DMD: variants seen among roughly 807,000 people sequenced by gnomAD.
DMD encodes the protein mutant dystrophin.
A neutral mutation model predicts 330.1 loss-of-function variants in DMD; 63 were observed. The observed-to-expected ratio is 0.19, with a 90% CI of 0.16 to 0.24. The LOEUF is 0.24. Among genes scored for constraint, DMD ranks in the 10% least tolerant of loss-of-function variants. DMD has a pLI of 1.00. For synonymous variants in DMD, 1,223 were observed against 959.8 expected (o/e 1.27, Z -5.07); for missense variants, 3,344 against 2,684.1 (o/e 1.25, Z -5.43).
chrX:31,203,634 G>A lies in DMD; in HGVS notation c.9807+327C>T, dbSNP rs770669252. 6.9e-4 allele frequency among the ~76,000 whole-genome samples: 77 copies of A among 112,313 alleles called. 1 individual carries two copies. The highest frequency in any genetic ancestry group is 1.2e-3 in the Non-Finnish European group (64 of 53,244). On this transcript the variant is annotated intron_variant, in intron 67 of 78. Coordinates refer to ENST00000357033, the MANE Select transcript of DMD (RefSeq NM_004006.3). ...AAAGGACTCAGAGACTAAGAGACTC[G>A]CCTACAAAGGCCATTTTCTTATATA...
chrX:32,889,062 GCCA>G (rs2084939845), intron 2 of DMD, among the ~76,000 whole-genome samples: 1 of 110,498 alleles, frequency 9.0e-6, no homozygotes, highest in Admixed American at 9.7e-5. Context: ...TGAAAGAACC[GCCA>G]CCACAACAGA....
At chrX:32,753,049 C>T (rs2071035263) in intron 7 of DMD, among the ~76,000 whole-genome samples, 1 of 110,974 alleles carries the variant, frequency 9.0e-6, no homozygotes, top group African/African-American at 3.3e-5. Context: ...CTTCTCCCTG[C>T]TTAGAACACC....
chrX:32,922,899 T>C (rs1414851402), intron 2 of DMD, among the ~76,000 whole-genome samples: 1 of 112,646 alleles, frequency 8.9e-6, no homozygotes, highest in African/African-American at 3.2e-5. Context: ...AGAGTCTCAA[T>C]AAAGTTACTC....
intron 7 of DMD, among the ~76,000 whole-genome samples, chrX:32,731,403 G>C (rs899621603): frequency 8.9e-6 from 1 of 112,542 alleles, no homozygotes; most frequent in South Asian, 3.6e-4. Context: ...ACTGGGTGGA[G>C]CCCACCACAA....
In DMD at chrX:33,250,085, T is replaced by TTTTATATATATATATATATATATA. The variant is rs1484050730; in HGVS notation, c.7+89173_7+89174insTATATATATATATATATATATAAA. ...AGCCCACATAGTAGTAAACTATTCA[T>TTTTATATATATATATATATATATA]TATATATATATATATATATATATAT... On this transcript the variant is annotated intron_variant, in intron 1 of 17. Transcript: ENST00000288447. Among the ~76,000 whole-genome samples, 40 of 75,414 alleles carry TTTTATATATATATATATATATATA rather than the reference T, an allele frequency of 5.3e-4. 1 individual carries two copies. Among genetic ancestry groups the TTTTATATATATATATATATATATA allele is most frequent in the African/African-American group, 2.8e-3 (39 of 13,885 alleles). 65.5% of individuals were successfully genotyped at this position (75,414 alleles called of 115,157 possible).
At chrX:32,480,161 G>A (rs1490663454) in intron 21 of DMD, among the ~76,000 whole-genome samples, 1 of 111,763 alleles carries the variant, frequency 8.9e-6, no homozygotes, top group Non-Finnish European at 1.9e-5. Flanking sequence ...GTGAAAAAAT[G>A]CTCAACATCT....
intron 43 of DMD, among the ~76,000 whole-genome samples, chrX:32,266,745 A>G (rs2097346201): frequency 1.8e-5 from 2 of 111,872 alleles, no homozygotes; most frequent in South Asian, 7.5e-4. Context: ...TTTATTTTTG[A>G]TTATACCTGC....
chrX:31,771,070 C>T (rs1213141710), intron 51 of DMD, among the ~76,000 whole-genome samples: 4 of 111,369 alleles, frequency 3.6e-5, no homozygotes, highest in African/African-American at 1.3e-4. Context: ...ATTTTTCACA[C>T]ATCAAACATT....
chrX:31,823,603 C>T (rs1375449856), intron 49 of DMD, among the ~76,000 whole-genome samples: 1 of 110,532 alleles, frequency 9.0e-6, no homozygotes, highest in Non-Finnish European at 1.9e-5. Context: ...TCTTTTGAGA[C>T]AGGGTCTCAC....
At chrX:33,321,025 C>T (rs950053980) in intron 1 of DMD, among the ~76,000 whole-genome samples, 13 of 111,716 alleles carry the variant, frequency 1.2e-4, no homozygotes, top group Admixed American at 1.9e-4. Context: ...TTGCTATTGT[C>T]ACCATATCTC....
At chrX:32,837,176 A>G (rs1403899431) in intron 4 of DMD, among the ~76,000 whole-genome samples, 1 of 111,954 alleles carries the variant, frequency 8.9e-6, no homozygotes, top group African/African-American at 3.2e-5. Context: ...CACAGAAACA[A>G]AACAGAACTA....
intron 59 of DMD, among the ~76,000 whole-genome samples, chrX:31,469,835 T>A (rs1490259023): frequency 8.9e-6 from 1 of 111,980 alleles, no homozygotes; most frequent in Non-Finnish European, 1.9e-5. Context: ...TCTTTTCACA[T>A]CGTCCCATAT....
intron 52 of DMD, among the ~76,000 whole-genome samples, chrX:31,690,304 C>G (rs1394862750): frequency 1.8e-5 from 2 of 111,641 alleles, no homozygotes; most frequent in Non-Finnish European, 3.8e-5. Flanking sequence ...AAAAAGTGGG[C>G]GAAGGATATG....
chrX:32,811,381 C>G (rs963919192), intron 6 of DMD, among the ~76,000 whole-genome samples: 1 of 110,808 alleles, frequency 9.0e-6, no homozygotes, highest in Non-Finnish European at 1.9e-5. Context: ...TCAAATCAAA[C>G]TCACATATAC....
intron 49 of DMD, among the ~76,000 whole-genome samples, chrX:31,821,602 C>A (rs768025286): frequency 8.9e-6 from 1 of 111,833 alleles, no homozygotes; most frequent in Non-Finnish European, 1.9e-5. Context: ...AAAACATACG[C>A]TGGGTTGTCA....
At chrX:31,713,590 A>G (rs1461134217) in intron 52 of DMD, among the ~76,000 whole-genome samples, 2 of 112,155 alleles carry the variant, frequency 1.8e-5, no homozygotes, top group Non-Finnish European at 3.8e-5. Context: ...CAATGAATAA[A>G]CGGATGGATG....
At chrX:32,625,511 C>A (rs918800910) in intron 11 of DMD, among the ~76,000 whole-genome samples, 7 of 111,955 alleles carry the variant, frequency 6.3e-5, no homozygotes, top group African/African-American at 2.3e-4. Context: ...ATTTTGTCCT[C>A]CAATGTCTAT....
intron 2 of DMD, among the ~76,000 whole-genome samples, chrX:32,964,678 A>G (rs2092065232): frequency 8.9e-6 from 1 of 111,897 alleles, no homozygotes; most frequent in African/African-American, 3.3e-5. Flanking sequence ...ACTGCACTCC[A>G]GCCTGGGTGA....
chrX:33,009,295 T>A (rs1217041809), intron 2 of DMD, among the ~76,000 whole-genome samples: 1 of 34,416 alleles, frequency 2.9e-5, no homozygotes. Flanking sequence ...TGTGTGTATA[T>A]GTGTATATAC....
Sources: allele counts gnomAD v4.1 joint callset (sites outside exome capture counted in the v4.1 genomes callset), GRCh38; gene constraint gnomAD v4.1.1; transcripts MANE v1.5; gene names NCBI Gene and HGNC (gene_info 2026-07-23, HGNC 2026-07-21).